PRPF18: variants seen among roughly 807,000 people sequenced by gnomAD.
The protein encoded by PRPF18 is pre-mRNA processing factor 18.
In PRPF18, 38 loss-of-function variants were observed where a neutral mutation model predicts 46.5. The observed-to-expected ratio is 0.82, with a 90% confidence interval of 0.63 to 1.07. The LOEUF (loss-of-function observed/expected upper bound fraction) is 1.07, where lower values mean the gene tolerates loss of function less well. Ranked by LOEUF, PRPF18 falls within the 50% of genes least tolerant of loss-of-function variation. The pLI, the probability that PRPF18 is intolerant of heterozygous loss-of-function variation, is 0.00. For missense variants in PRPF18, 263 were observed against 410.0 expected (o/e 0.64, Z 3.10); for synonymous variants, 152 against 146.7 (o/e 1.04, Z -0.26).
intron 9 of PRPF18, among the ~76,000 whole-genome samples, chr10:13,617,984 C>T (rs896838627): frequency 6.6e-6 from 1 of 152,134 alleles, no homozygotes; most frequent in African/African-American, 2.4e-5. Context: ...AGCTCATTGA[C>T]AGAGGGAAGC....
the PRPF18 span, among the ~76,000 whole-genome samples, chr10:13,649,968 A>G: frequency 3.3e-5 from 5 of 152,224 alleles, no homozygotes; most frequent in African/African-American, 1.2e-4. Context: ...AGAGCAGCTT[A>G]GCCCTGGGCA....
At chr10:13,642,902 A>G in the PRPF18 span, 1 of 152,234 alleles carries the variant, frequency 6.6e-6, no homozygotes, top group African/African-American at 2.4e-5. Flanking sequence ...GGCAGCATCA[A>G]CTAGCTCTAG....
At chr10:13,602,222 G>A (rs1004116600) in intron 3 of PRPF18, among the ~76,000 whole-genome samples, 2 of 152,286 alleles carry the variant, frequency 1.3e-5, no homozygotes, top group African/African-American at 4.8e-5. Flanking sequence ...GGTATCTTGT[G>A]TTAATGTGAA....
At chr10:13,595,949 A>T (rs550065362) in intron 1 of PRPF18, among the ~76,000 whole-genome samples, 1 of 152,326 alleles carries the variant, frequency 6.6e-6, no homozygotes, top group African/African-American at 2.4e-5. Flanking sequence ...CCAAAATATG[A>T]TCACACCCAA....
intron 1 of PRPF18, among the ~76,000 whole-genome samples, chr10:13,597,164 A>G (rs541647870): frequency 5.0e-4 from 76 of 152,208 alleles, no homozygotes; most frequent in Non-Finnish European, 6.9e-4. Context: ...TAAGAAGTGA[A>G]AACATTTGGA....
chr10:13,603,749 C>A (rs1235386454), intron 3 of PRPF18, among the ~76,000 whole-genome samples: 1 of 152,160 alleles, frequency 6.6e-6, no homozygotes, highest in East Asian at 1.9e-4. Context: ...CGCAAGTTGA[C>A]ATGTTTGTAG....
the PRPF18 span, chr10:13,641,834 G>A: frequency 6.6e-6 from 1 of 152,284 alleles, no homozygotes; most frequent in Non-Finnish European, 1.5e-5. Context: ...TAGTAGAGTG[G>A]GGAGGGGTGA....
Position 13,609,691 on chromosome 10 carries a change from T to C in PRPF18, c.364-348T>C, listed in dbSNP as rs569310114. Among the ~76,000 whole-genome samples, 7 of 152,302 alleles carry C rather than the reference T, an allele frequency of 4.6e-5. No homozygotes were observed. In the South Asian group the frequency reaches 1.2e-3, roughly 27 times the overall value. On this transcript the variant is annotated intron_variant, in intron 4 of 9. Transcript: ENST00000378572. ...ATTGTAAATGAGCTGGGCAAACGGGTTGGGGACTCTAATGGAGACCTGCCA... is the reference window on the plus strand; with the variant it reads ...ATTGTAAATGAGCTGGGCAAACGGGCTGGGGACTCTAATGGAGACCTGCCA...
chr10:13,589,905 C>T (rs2079932210), intron 1 of PRPF18, among the ~76,000 whole-genome samples: 1 of 152,044 alleles, frequency 6.6e-6, no homozygotes, highest in South Asian at 2.1e-4. Flanking sequence ...TTTATGTCTA[C>T]TGCAGGGACC....
intron 9 of PRPF18, among the ~76,000 whole-genome samples, chr10:13,621,803 AGTT>A (rs2080423905): frequency 6.6e-6 from 1 of 152,196 alleles, no homozygotes; most frequent in South Asian, 2.1e-4. Context: ...TTCTCTGGCA[AGTT>A]GTTTTCAGTA....
intron 8 of PRPF18, among the ~76,000 whole-genome samples, chr10:13,615,857 A>T (rs1231729314): frequency 6.6e-6 from 1 of 152,100 alleles, no homozygotes; most frequent in African/African-American, 2.4e-5. Flanking sequence ...CTGGAGGGCC[A>T]GTGTTTCCTC....
rs1352968894 is a variant in PRPF18, at chr10:13,616,498, T to C, written c.893T>C (p.Phe298Ser). 6.2e-7 allele frequency: 1 copy of C among 1,614,180 alleles called. No homozygotes were observed. Among genetic ancestry groups the C allele is most frequent in the Admixed American group, 1.7e-5 (1 of 60,028 alleles). ...GCCAGAACTGGCAGAGAAAAGATTT[T>C]TTCCAAGCATGTTGCACATGTTTTA... ...IHARTGREKI[F>S]SKHVAHVLND... The change falls in exon 9 of 10, where the codon TTT becomes TCT. Residue 298 changes from phenylalanine (F) to serine (S), a missense_variant. Around this residue, in one of 4 missense-constraint regions of PRPF18, gnomAD observed 17 missense variants for 74.2 expected, o/e 0.23. Coordinates refer to ENST00000378572, the MANE Select transcript of PRPF18 (RefSeq NM_003675.4).
intron 9 of PRPF18, among the ~76,000 whole-genome samples, chr10:13,622,606 C>A (rs547873859): frequency 6.6e-6 from 1 of 152,260 alleles, no homozygotes; most frequent in African/African-American, 2.4e-5. Context: ...GAAACTTGTT[C>A]TCGTATAGAA....
chr10:13,644,612 A>G, the PRPF18 span: 2 of 152,184 alleles, frequency 1.3e-5, no homozygotes, highest in Non-Finnish European at 2.9e-5. Context: ...ATCTTGATCC[A>G]GTTTTCTCCA....
At chr10:13,587,178 C>T (rs2079885143) in intron 1 of PRPF18, 26 bp downstream of exon 1, 1 of 1,600,022 alleles carries the variant, frequency 6.2e-7, no homozygotes, top group Non-Finnish European at 8.6e-7. Flanking sequence ...TCGTGGGGGT[C>T]GGGATGTAAG....
At chr10:13,625,832 A>G (rs546687467) in intron 9 of PRPF18, among the ~76,000 whole-genome samples, 11 of 152,372 alleles carry the variant, frequency 7.2e-5, no homozygotes, top group South Asian at 2.1e-4. Flanking sequence ...TAGCTAGGGA[A>G]ATATTGTCCA....
chr10:13,615,768 G>T (rs959479366), intron 8 of PRPF18, among the ~76,000 whole-genome samples: 7 of 151,786 alleles, frequency 4.6e-5, no homozygotes, highest in African/African-American at 1.2e-4. Context: ...ATTTTTTGTG[G>T]CTGTTCTTTA....
At chr10:13,621,987 G>T (rs1216103487) in intron 9 of PRPF18, among the ~76,000 whole-genome samples, 1 of 151,188 alleles carries the variant, frequency 6.6e-6, no homozygotes, top group African/African-American at 2.4e-5. Flanking sequence ...ACCAAAACTG[G>T]TATAACAGAA....
chr10:13,597,794 TG>T, intron 2 of PRPF18: 1 of 687,734 alleles, frequency 1.5e-6, no homozygotes, highest in Non-Finnish European at 2.2e-6. Flanking sequence ...GATCAAAGCT[TG>T]AATTTTTTTT....
Sources: allele counts gnomAD v4.1 joint callset (sites outside exome capture counted in the v4.1 genomes callset), GRCh38; gene constraint gnomAD v4.1.1; regional missense constraint gnomAD v4.1.1; transcripts MANE v1.5; gene names NCBI Gene and HGNC (gene_info 2026-07-23, HGNC 2026-07-21).